Variants in PPARGC1A observed in about 807,000 individuals in gnomAD.
PPARGC1A encodes the protein peroxisome proliferator-activated receptor gamma coactivator 1-alpha.
A neutral mutation model predicts 88.7 loss-of-function variants in PPARGC1A; 25 were observed. That is an observed-to-expected ratio of 0.28 (90% CI 0.21 to 0.39). PPARGC1A has a LOEUF of 0.39. Among genes scored for constraint, PPARGC1A ranks in the 10% least tolerant of loss-of-function variants. The pLI, the probability that PPARGC1A is intolerant of heterozygous loss-of-function variation, is 1.00. For synonymous variants in PPARGC1A, 363 were observed against 355.6 expected (o/e 1.02, Z -0.24); for missense variants, 880 against 968.7 (o/e 0.91, Z 1.22).
the PPARGC1A span, among the ~76,000 whole-genome samples, chr4:24,459,920 C>T: frequency 6.6e-6 from 1 of 152,158 alleles, no homozygotes; most frequent in Non-Finnish European, 1.5e-5. Flanking sequence ...ACTGTATATG[C>T]CCAAATATAA....
At chr4:24,068,248 T>C in the PPARGC1A span, among the ~76,000 whole-genome samples, 3 of 152,160 alleles carry the variant, frequency 2.0e-5, no homozygotes, top group South Asian at 6.2e-4. Flanking sequence ...TTAACTCAGC[T>C]TTTAAGAGAG....
At chr4:24,284,199 C>T in the PPARGC1A span, among the ~76,000 whole-genome samples, 2 of 151,278 alleles carry the variant, frequency 1.3e-5, no homozygotes, top group Non-Finnish European at 2.9e-5. Context: ...CAGCTATTTA[C>T]TCAGGAGGCT....
the PPARGC1A span, among the ~76,000 whole-genome samples, chr4:24,336,840 A>G: frequency 6.6e-6 from 1 of 152,140 alleles, no homozygotes; most frequent in African/African-American, 2.4e-5. Flanking sequence ...AGGAAGGAGG[A>G]CTGCTTGAGG....
chr4:24,029,080 A>T, the PPARGC1A span, among the ~76,000 whole-genome samples: 2 of 152,180 alleles, frequency 1.3e-5, no homozygotes, highest in South Asian at 4.1e-4. Flanking sequence ...TTATATAATT[A>T]TTTGCTATGC....
chr4:24,024,066 G>A, the PPARGC1A span, among the ~76,000 whole-genome samples: 1 of 152,094 alleles, frequency 6.6e-6, no homozygotes, highest in Non-Finnish European at 1.5e-5. Flanking sequence ...TAAAAGTAAT[G>A]GGACAACCCA....
the PPARGC1A span, among the ~76,000 whole-genome samples, chr4:23,993,010 G>A: frequency 6.6e-6 from 1 of 152,006 alleles, no homozygotes; most frequent in Non-Finnish European, 1.5e-5. Context: ...TCCCTTATAT[G>A]ATATCCTAAT....
chr4:24,243,902 AG>A, the PPARGC1A span, among the ~76,000 whole-genome samples: 2 of 152,248 alleles, frequency 1.3e-5, no homozygotes, highest in Non-Finnish European at 2.9e-5. Context: ...TTCCTGAATA[AG>A]GAAAGTGATT....
At chr4:24,217,083 T>G in the PPARGC1A span, among the ~76,000 whole-genome samples, 1 of 152,156 alleles carries the variant, frequency 6.6e-6, no homozygotes, top group Non-Finnish European at 1.5e-5. Context: ...AATACATGCA[T>G]GTGTTGAGTT....
the PPARGC1A span, among the ~76,000 whole-genome samples, chr4:24,060,538 A>C: frequency 0.87 from 131,557 of 151,892 alleles, 57,208 homozygotes; most frequent in Admixed American, 0.92. Flanking sequence ...ACAACAACAA[A>C]AAAAAAATCG....
chr4:24,211,913 C>T, the PPARGC1A span, among the ~76,000 whole-genome samples: 1 of 152,156 alleles, frequency 6.6e-6, no homozygotes, highest in African/African-American at 2.4e-5. Context: ...GTTTCATCGC[C>T]TAAGCCAGCC....
chr4:23,989,951 A>T, the PPARGC1A span, among the ~76,000 whole-genome samples: 3 of 149,196 alleles, frequency 2.0e-5, no homozygotes, highest in African/African-American at 4.9e-5. Flanking sequence ...TGTACCTACC[A>T]TGAATGCTTA....
intron 2 of PPARGC1A, among the ~76,000 whole-genome samples, chr4:23,833,223 C>T (rs1725358986): frequency 6.6e-6 from 1 of 152,210 alleles, no homozygotes; most frequent in Non-Finnish European, 1.5e-5. Flanking sequence ...GTTAACAAGG[C>T]AGTGTGTGAT....
the PPARGC1A span, among the ~76,000 whole-genome samples, chr4:24,200,985 C>G: frequency 2.6e-5 from 4 of 151,994 alleles, no homozygotes; most frequent in Admixed American, 2.6e-4. Context: ...TATTTAGTGT[C>G]CATTATAAAA....
the PPARGC1A span, among the ~76,000 whole-genome samples, chr4:24,336,705 G>C: frequency 6.6e-6 from 1 of 152,080 alleles, no homozygotes; most frequent in Non-Finnish European, 1.5e-5. Flanking sequence ...AAAATACACT[G>C]AGTCATACTT....
intron 1 of PPARGC1A, among the ~76,000 whole-genome samples, chr4:23,897,470 C>T (rs768430583): frequency 3.3e-5 from 5 of 152,144 alleles, no homozygotes; most frequent in Non-Finnish European, 5.9e-5. Flanking sequence ...TATCTGTCAA[C>T]AAAGATGGCC....
At chr4:24,064,895 T>G in the PPARGC1A span, among the ~76,000 whole-genome samples, 5 of 152,154 alleles carry the variant, frequency 3.3e-5, no homozygotes. Context: ...TAGTGGATGT[T>G]GGAGTTCAAA....
chr4:23,888,869 T>C lies in PPARGC1A; in HGVS notation c.54+1035A>G, dbSNP rs144339096. On this transcript the variant is annotated intron_variant, in intron 1 of 12. Transcript: ENST00000264867. ...GCCCCCAGCTACCCAGAGGAAACAC[T>C]CGCAGTCTTTTGCCAGATTCATTGT... 6 of 923,728 alleles carry C rather than the reference T, an allele frequency of 6.5e-6. No homozygotes were observed. In the East Asian group the frequency reaches 5.9e-4, roughly 91 times the overall value. 57.2% of individuals were successfully genotyped at this position (923,728 alleles called of 1,614,324 possible).
chr4:23,880,122 C>G (rs924568817), intron 2 of PPARGC1A: 8 of 152,130 alleles, frequency 5.3e-5, no homozygotes, highest in Non-Finnish European at 1.0e-4. Context: ...TATATATAAT[C>G]CTATGTAGGT....
At chr4:23,878,768 T>C (rs1169278318) in intron 2 of PPARGC1A, among the ~76,000 whole-genome samples, 1 of 152,196 alleles carries the variant, frequency 6.6e-6, no homozygotes, top group Non-Finnish European at 1.5e-5. Context: ...GATTGTTGCT[T>C]CCTGATTTAT....
Sources: gnomAD v4.1 joint callset for allele counts (sites outside exome capture counted in the v4.1 genomes callset) on GRCh38, gnomAD v4.1.1 for gene constraint, MANE v1.5 for transcripts, NCBI Gene and HGNC (gene_info 2026-07-23, HGNC 2026-07-21) for gene names.